PALM2AKAP2: variants seen among roughly 807,000 people sequenced by gnomAD.
The protein encoded by PALM2AKAP2 is PALM2-AKAP2 fusion protein.
A neutral mutation model predicts 71.5 loss-of-function variants in PALM2AKAP2; 37 were observed. The observed-to-expected ratio is 0.52, with a 90% CI of 0.40 to 0.68. The LOEUF (loss-of-function observed/expected upper bound fraction) is 0.68. Among genes scored for constraint, PALM2AKAP2 ranks in the 30% least tolerant of loss-of-function variants. The pLI is 0.00. For synonymous variants in PALM2AKAP2, 468 were observed against 478.8 expected (o/e 0.98, Z 0.29); for missense variants, 1,224 against 1,191.8 (o/e 1.03, Z -0.40).
intron 2 of PALM2AKAP2, among the ~76,000 whole-genome samples, chr9:110,142,294 G>A (rs1836054366): frequency 6.6e-6 from 1 of 151,778 alleles, no homozygotes; most frequent in Non-Finnish European, 1.5e-5. Flanking sequence ...TCATCATGTT[G>A]GCCAGGCTGG....
At chr9:109,657,934 GTGTT>G (rs1244561004) in intron 1 of PALM2AKAP2, among the ~76,000 whole-genome samples, 1 of 125,924 alleles carries the variant, frequency 7.9e-6, no homozygotes, top group East Asian at 2.1e-4. Flanking sequence ...AGATTTGTGT[GTGTT>G]TGTGTGTGTG....
At chr9:109,802,023 A>G (rs1000415401) in intron 1 of PALM2AKAP2, among the ~76,000 whole-genome samples, 4 of 152,304 alleles carry the variant, frequency 2.6e-5, no homozygotes, top group Middle Eastern at 3.4e-3. Context: ...GAACAACCCA[A>G]ATGAACAACA....
rs1022357732 is a variant in PALM2AKAP2, at chr9:109,747,824, C to G, written c.6-32664C>G. 3.3e-5 allele frequency among the ~76,000 whole-genome samples: 5 copies of G among 152,050 alleles called. No individual in the cohort carries two copies. The East Asian group carries it at 7.7e-4, about 23-fold the overall frequency. On this transcript the variant is annotated intron_variant, in intron 1 of 6. Coordinates refer to the PALM2AKAP2 transcript ENST00000374531. ...AGCTGGGAATACAGGTGCTCACCAC[C>G]AGGCCTGGCTAATTTTTTGTATTTT... is the stretch of plus-strand genomic sequence containing the variant.
chr9:109,829,427 C>T (rs1216863265), intron 1 of PALM2AKAP2, among the ~76,000 whole-genome samples: 3 of 152,182 alleles, frequency 2.0e-5, no homozygotes, highest in African/African-American at 7.2e-5. Context: ...TCCTTGTTTC[C>T]CCAGCACCCT....
chr9:109,791,495 G>T (rs945830967), intron 1 of PALM2AKAP2, among the ~76,000 whole-genome samples: 1 of 152,096 alleles, frequency 6.6e-6, no homozygotes, highest in Non-Finnish European at 1.5e-5. Context: ...GCAGAAGTGC[G>T]CCCTCTCCCC....
chr9:109,767,315 C>A (rs1829169809), intron 1 of PALM2AKAP2, among the ~76,000 whole-genome samples: 1 of 152,196 alleles, frequency 6.6e-6, no homozygotes, highest in African/African-American at 2.4e-5. Flanking sequence ...GGCCGCCCCA[C>A]CGGCCTGTGC....
chr9:110,019,369 A>G (rs1442372003), intron 7 of PALM2AKAP2, among the ~76,000 whole-genome samples: 1 of 152,208 alleles, frequency 6.6e-6, no homozygotes, highest in Admixed American at 6.5e-5. Context: ...GTTGGTAGCA[A>G]TGTAAATTAG....
At position 110,067,403 on chromosome 9, in the gene PALM2AKAP2, G is replaced by A. The variant is rs149038184; in HGVS notation, c.156+18548G>A. Among the ~76,000 whole-genome samples, 819 of 152,304 alleles carry A rather than the reference G, an allele frequency of 5.4e-3. 7 individuals carry two copies. The highest frequency in any genetic ancestry group is 0.024 in the Middle Eastern group (7 of 294). On this transcript the variant is annotated intron_variant, in intron 1 of 3. Coordinates refer to ENST00000374525, the Ensembl canonical transcript of PALM2AKAP2. ...ATGTAAGTTTCAAACACATCGTCTG[G>A]TTGGTGCATTACTTAATCTATTCCT...
intron 3 of PALM2AKAP2, among the ~76,000 whole-genome samples, chr9:109,883,263 C>T (rs1271821173): frequency 1.3e-5 from 2 of 152,206 alleles, no homozygotes; most frequent in African/African-American, 4.8e-5. Context: ...AAAGAGCACA[C>T]TCAATGTATG....
At chr9:110,025,597 T>G (rs1396669229) in intron 7 of PALM2AKAP2, among the ~76,000 whole-genome samples, 1 of 152,196 alleles carries the variant, frequency 6.6e-6, no homozygotes, top group Non-Finnish European at 1.5e-5. Context: ...TGGGTTTAAC[T>G]TTTTAAAAAG....
chr9:109,949,535 A>G (rs373700584), intron 6 of PALM2AKAP2, among the ~76,000 whole-genome samples: 63 of 152,336 alleles, frequency 4.1e-4, no homozygotes, highest in African/African-American at 1.4e-3. Flanking sequence ...CTTGAGTTGG[A>G]AAACACCCTT....
intron 3 of PALM2AKAP2, among the ~76,000 whole-genome samples, chr9:109,911,592 T>A (rs1830570694): frequency 6.6e-6 from 1 of 152,224 alleles, no homozygotes; most frequent in South Asian, 2.1e-4. Flanking sequence ...ATATTGTTCT[T>A]TTTTCTCACT....
chr9:109,832,214 G>A (rs937763807), intron 1 of PALM2AKAP2, among the ~76,000 whole-genome samples: 2 of 152,246 alleles, frequency 1.3e-5, no homozygotes, highest in Admixed American at 6.5e-5. Context: ...CACACCAGAA[G>A]TGTTCCAGGC....
At chr9:109,934,233 A>G (rs1831173790) in intron 6 of PALM2AKAP2, among the ~76,000 whole-genome samples, 1 of 152,158 alleles carries the variant, frequency 6.6e-6, no homozygotes, top group South Asian at 2.1e-4. Context: ...TCTGTGATTC[A>G]TGTTTAATCT....
At chr9:109,924,531 C>T (rs770926538) in intron 4 of PALM2AKAP2, among the ~76,000 whole-genome samples, 1 of 152,072 alleles carries the variant, frequency 6.6e-6, no homozygotes, top group African/African-American at 2.4e-5. Context: ...ACCTGGGAGG[C>T]GGAGCTTGCA....
intron 1 of PALM2AKAP2, among the ~76,000 whole-genome samples, chr9:109,834,957 C>G (rs1182488798): frequency 6.6e-6 from 1 of 152,116 alleles, no homozygotes; most frequent in African/African-American, 2.4e-5. Flanking sequence ...TCAAAACTTT[C>G]AAGGATGAAC....
chr9:109,689,400 A>G (rs1472680485), intron 1 of PALM2AKAP2, among the ~76,000 whole-genome samples: 1 of 151,940 alleles, frequency 6.6e-6, no homozygotes, highest in Non-Finnish European at 1.5e-5. Flanking sequence ...GGGTTTCACC[A>G]AGTTGATCAG....
chr9:110,101,611 C>T (rs1396527665), intron 1 of PALM2AKAP2, among the ~76,000 whole-genome samples: 1 of 152,154 alleles, frequency 6.6e-6, no homozygotes, highest in Admixed American at 6.5e-5. Context: ...CACGTGCTTT[C>T]AGGTGCAAAC....
chr9:109,950,826 G>A (rs992678934), intron 6 of PALM2AKAP2, among the ~76,000 whole-genome samples: 1 of 152,220 alleles, frequency 6.6e-6, no homozygotes, highest in Non-Finnish European at 1.5e-5. Flanking sequence ...TTGCCTGAAG[G>A]TGCTAATGGA....
Sources: allele counts gnomAD v4.1 joint callset (sites outside exome capture counted in the v4.1 genomes callset), GRCh38; gene constraint gnomAD v4.1.1; transcripts MANE v1.5; gene names NCBI Gene and HGNC (gene_info 2026-07-23, HGNC 2026-07-21).